Variants in MED12L observed in about 807,000 individuals in gnomAD.
MED12L encodes the protein mediator of RNA polymerase II transcription subunit 12-like protein.
A neutral mutation model predicts 281.3 loss-of-function variants in MED12L; 60 were observed. That is an observed-to-expected ratio of 0.21 (90% CI 0.17 to 0.26). The LOEUF (loss-of-function observed/expected upper bound fraction) is 0.26, where lower values mean the gene tolerates loss of function less well. MED12L is among the 10% of genes least tolerant of loss of function. The pLI is 1.00. For missense variants in MED12L, 2,146 were observed against 2,680.9 expected (o/e 0.80, Z 4.41); for synonymous variants, 974 against 987.2 (o/e 0.99, Z 0.25).
intron 43 of MED12L, among the ~76,000 whole-genome samples, chr3:151,418,504 T>C (rs372643022): frequency 7.9e-5 from 12 of 152,334 alleles, no homozygotes; most frequent in East Asian, 5.8e-4. Context: ...CTATGGAATG[T>C]TTATTTTGTA....
In MED12L at chr3:151,190,699, G is replaced by A. The variant is rs749820822; in HGVS notation, c.1754-18G>A. The stretch of plus-strand genomic sequence containing the variant: ...CCACCTGCTCAAGGAATTCTTGATT[G>A]AATTTGTTTCTCTATAGCGGACCCA... On this transcript the variant is annotated intron_variant, in intron 13 of 44. Transcript: ENST00000687756. 2 of 1,610,916 alleles carry A rather than the reference G, an allele frequency of 1.2e-6. No homozygotes were observed. Among genetic ancestry groups the A allele is most frequent in the African/African-American group, 2.7e-5 (2 of 74,812 alleles).
At chr3:151,361,216 A>C (rs1278500622) in intron 21 of MED12L, among the ~76,000 whole-genome samples, 2 of 152,208 alleles carry the variant, frequency 1.3e-5, no homozygotes, top group Non-Finnish European at 2.9e-5. Flanking sequence ...GAACTTTTTC[A>C]GACTGTGTTT....
intron 16 of MED12L, among the ~76,000 whole-genome samples, chr3:151,197,665 G>C (rs1386451881): frequency 1.3e-5 from 2 of 152,168 alleles, no homozygotes; most frequent in Non-Finnish European, 2.9e-5. Flanking sequence ...AGTTTCAGTA[G>C]TTAGTATAAC....
At chr3:151,273,099 A>G (rs901095743) in intron 16 of MED12L, among the ~76,000 whole-genome samples, 4 of 152,144 alleles carry the variant, frequency 2.6e-5, no homozygotes, top group African/African-American at 9.7e-5. Flanking sequence ...CCAAAGCAGT[A>G]TGATCAAGGA....
chr3:151,434,060 A>C lies in MED12L; in HGVS notation c.*1256A>C, dbSNP rs1053376971. ...ATATTTTTTTAGATTTAGATGCATA[A>C]AATTTTGAATGTGAAAATTGCAGGG... On this transcript the variant is annotated 3_prime_UTR_variant, in exon 45 of 45. Transcript: ENST00000687756. 4 of 152,674 alleles carry C rather than the reference A, an allele frequency of 2.6e-5. No individual in the cohort carries two copies. The East Asian group carries it at 5.8e-4, about 22-fold the overall frequency. The allele number at this position is 152,674 out of a possible 1,614,324, so 9.5% of individuals were successfully genotyped here. A position where few individuals can be genotyped will look rare whatever the true frequency, so the allele number is the denominator to read the frequency against.
intron 2 of MED12L, among the ~76,000 whole-genome samples, chr3:151,094,941 G>A (rs1409780077): frequency 4.6e-5 from 7 of 152,180 alleles, no homozygotes; most frequent in Admixed American, 3.9e-4. Context: ...ATCTCCTAGG[G>A]TATAGATAGA....
chr3:151,394,695 C>T lies in MED12L; in HGVS notation c.5648C>T (p.Thr1883Ile), dbSNP rs1430012102. ...RLDPAGSFVP[T>I]NTKQALSNML... The stretch of plus-strand genomic sequence containing the variant: ...GACCCTGCAGGCTCCTTTGTCCCAA[C>T]CAACACCAAACAAGCTCTGTCAAAC... Residue 1883 changes from threonine to isoleucine, a missense_variant, in exon 39 of 45, where the codon ACC (threonine) becomes ATC (isoleucine). This residue lies in a region of MED12L where 496 missense variants were observed against 512.0 expected (regional missense o/e 0.97). Coordinates refer to ENST00000687756, the MANE Select transcript of MED12L (RefSeq NM_001393769.1). The T allele has an allele frequency of 4.3e-6, 7 of 1,614,156 alleles. No individual in the cohort carries two copies. Among genetic ancestry groups the T allele is most frequent in the Non-Finnish European group, 5.9e-6 (7 of 1,180,050 alleles).
chr3:151,384,610 TA>T (rs945267952), intron 35 of MED12L: 42 of 186,972 alleles, frequency 2.2e-4, no homozygotes, highest in Non-Finnish European at 3.7e-4. Context: ...CAGACTCCTT[TA>T]AAAAAAAATT....
chr3:151,432,302 T>G (rs983081417), intron 44 of MED12L, among the ~76,000 whole-genome samples: 2 of 152,270 alleles, frequency 1.3e-5, no homozygotes, highest in South Asian at 2.1e-4. Flanking sequence ...GCATATACTC[T>G]TGCACAGTTC....
At chr3:151,391,106 T>C (rs1358933317) in intron 38 of MED12L, among the ~76,000 whole-genome samples, 1 of 152,210 alleles carries the variant, frequency 6.6e-6, no homozygotes, top group Non-Finnish European at 1.5e-5. Context: ...GTGGACCCAG[T>C]TTTGGATGCT....
At chr3:151,328,095 A>C in intron 16 of MED12L, 1 of 1,610,132 alleles carries the variant, frequency 6.2e-7, no homozygotes, top group Non-Finnish European at 8.5e-7. Context: ...AATTTTTTAC[A>C]TAAGAATATG....
chr3:151,099,574 T>C (rs767096853), intron 2 of MED12L, among the ~76,000 whole-genome samples: 11 of 152,238 alleles, frequency 7.2e-5, no homozygotes, highest in Non-Finnish European at 1.3e-4. Flanking sequence ...ATTCAATCTG[T>C]TTTGAGACAT....
In MED12L at chr3:151,122,758, C is replaced by A. The variant is rs1241239751; in HGVS notation, c.205-25C>A. On this transcript the variant is annotated intron_variant, in intron 3 of 44. Coordinates refer to ENST00000687756, the MANE Select transcript of MED12L (RefSeq NM_001393769.1). ...GCTACTTGCTTATTGTCTTAACTTTCCCTTTTTTTCTCTTCTTTCCACAGA... is the reference window on the plus strand; with the variant it reads ...GCTACTTGCTTATTGTCTTAACTTTACCTTTTTTTCTCTTCTTTCCACAGA... The A allele has an allele frequency of 3.9e-6, 6 of 1,538,420 alleles. No homozygotes were observed. In the Admixed American group the frequency reaches 6.1e-5, roughly 16 times the overall value.
chr3:151,164,249 T>C (rs959905137), intron 9 of MED12L, among the ~76,000 whole-genome samples: 5 of 152,238 alleles, frequency 3.3e-5, no homozygotes, highest in Non-Finnish European at 7.3e-5. Flanking sequence ...TTCACTGTCT[T>C]GCTGAACAGT....
At chr3:151,355,044 T>TA (rs981990195) in intron 17 of MED12L, 77 bp from the exon 18 acceptor site, 60 of 1,044,448 alleles carry the variant, frequency 5.7e-5, no homozygotes, top group African/African-American at 8.0e-5. Flanking sequence ...TGCTATACTT[T>TA]AAAAAAAAGT....
intron 16 of MED12L, chr3:151,328,025 T>C: frequency 2.5e-6 from 4 of 1,591,800 alleles, no homozygotes; most frequent in Non-Finnish European, 3.4e-6. Flanking sequence ...CTGACTGCTA[T>C]GATTTTCTTG....
chr3:151,240,438 C>G (rs984373646), intron 16 of MED12L, among the ~76,000 whole-genome samples: 2 of 152,184 alleles, frequency 1.3e-5, no homozygotes, highest in East Asian at 3.8e-4. Context: ...ATAGCTGCTG[C>G]GTGCCAGGTA....
In MED12L at chr3:151,293,576, T is replaced by TACACACACACACACACACAC. The variant is rs55846173; in HGVS notation, c.2251-56460_2251-56441dup. 5.6e-4 allele frequency among the ~76,000 whole-genome samples: 43 copies of TACACACACACACACACACAC among 76,222 alleles called. 3 individuals carry two copies. Among genetic ancestry groups the TACACACACACACACACACAC allele is most frequent in the African/African-American group, 2.5e-3 (41 of 16,378 alleles). The allele number at this position is 76,222 out of a possible 152,430, so 50.0% of individuals were successfully genotyped here. ...ACAGAGGGTCCTAAAATGAAGCCCT[T>TACACACACACACACACACAC]ACACACACACACACACACACACACA... is the stretch of plus-strand genomic sequence containing the variant. On this transcript the variant is annotated intron_variant, in intron 16 of 44. Transcript: ENST00000687756.
At chr3:151,099,330 T>G (rs921443587) in intron 2 of MED12L, among the ~76,000 whole-genome samples, 1 of 152,210 alleles carries the variant, frequency 6.6e-6, no homozygotes, top group Non-Finnish European at 1.5e-5. Context: ...GAGGATCTAT[T>G]AAGCTTTTAT....
Sources: gnomAD v4.1 joint callset for allele counts (sites outside exome capture counted in the v4.1 genomes callset) on GRCh38, gnomAD v4.1.1 for gene constraint, gnomAD v4.1.1 regional missense constraint, MANE v1.5 for transcripts, NCBI Gene and HGNC (gene_info 2026-07-23, HGNC 2026-07-21) for gene names.